Variants in RYK observed in about 807,000 individuals in gnomAD.
RYK encodes receptor like tyrosine kinase.
In RYK, 21 loss-of-function variants were observed where a neutral mutation model predicts 70.2. The ratio of observed to expected loss-of-function variants is 0.30; its 90% CI spans 0.21 to 0.43. The LOEUF is 0.43. RYK is among the 20% of genes least tolerant of loss of function. The probability of loss-of-function intolerance (pLI) is 1.00; values close to 1 mark genes in which losing one functional copy is unlikely to be tolerated. For synonymous variants in RYK, 267 were observed against 278.0 expected (o/e 0.96, Z 0.39); for missense variants, 604 against 753.3 (o/e 0.80, Z 2.32).
chr3:134,173,105 A>C (rs1348329313), intron 13 of RYK, among the ~76,000 whole-genome samples: 1 of 152,160 alleles, frequency 6.6e-6, no homozygotes, highest in Non-Finnish European at 1.5e-5. Context: ...AAGATATATA[A>C]AATGAAAGAC....
chr3:134,238,829 A>G (rs758194965), intron 1 of RYK, among the ~76,000 whole-genome samples: 2 of 152,226 alleles, frequency 1.3e-5, no homozygotes, highest in South Asian at 4.1e-4. Flanking sequence ...TATAAGATGG[A>G]AAATAGACTG....
intron 1 of RYK, among the ~76,000 whole-genome samples, chr3:134,247,628 G>A (rs376111053): frequency 7.9e-5 from 12 of 152,018 alleles, no homozygotes; most frequent in Admixed American, 2.0e-4. Context: ...CTTGAACCTT[G>A]GAGGCAGAGG....
intron 2 of RYK, 144 bp from the exon 3 acceptor site, chr3:134,211,751 C>T (rs1003476231): frequency 3.2e-6 from 2 of 619,244 alleles, no homozygotes; most frequent in African/African-American, 3.7e-5. Context: ...TGCAAATTGT[C>T]AGAAACAGTC....
At position 134,236,602 on chromosome 3, in the gene RYK, A is replaced by G. The variant is rs376558441; in HGVS notation, c.232+13821T>C. Among the ~76,000 whole-genome samples the G allele has an allele frequency of 3.3e-5, 5 of 152,224 alleles. No homozygotes were observed. The South Asian group carries it at 1.0e-3, about 32-fold the overall frequency. On this transcript the variant is annotated intron_variant, in intron 1 of 14. Transcript: ENST00000623711. ...CTCAAATTAATATGAAATTGTGAGC[A>G]GGCCAAAATAGCCAAAACAATTTTT... is the stretch of plus-strand genomic sequence containing the variant.
At chr3:134,217,371 C>T (rs1204591143) in intron 2 of RYK, among the ~76,000 whole-genome samples, 1 of 152,182 alleles carries the variant, frequency 6.6e-6, no homozygotes, top group Non-Finnish European at 1.5e-5. Context: ...CTCCCCTGCC[C>T]TCACGTGTGA....
chr3:134,168,681 A>C (rs1048649769), intron 13 of RYK, among the ~76,000 whole-genome samples: 1 of 152,040 alleles, frequency 6.6e-6, no homozygotes, highest in Non-Finnish European at 1.5e-5. Flanking sequence ...ATGATGAGTT[A>C]ATGGGTGCAG....
chr3:134,237,672 C>T (rs1461333877), intron 1 of RYK, among the ~76,000 whole-genome samples: 1 of 152,144 alleles, frequency 6.6e-6, no homozygotes, highest in African/African-American at 2.4e-5. Flanking sequence ...ATTACTTAAC[C>T]GCCCTCTCTA....
chr3:134,187,842 G>C (rs901879866), intron 9 of RYK, among the ~76,000 whole-genome samples: 3 of 150,840 alleles, frequency 2.0e-5, no homozygotes, highest in African/African-American at 4.9e-5. Context: ...TTACAATTGT[G>C]AGCCACTGCA....
chr3:134,235,578 C>T (rs190866385), intron 1 of RYK, among the ~76,000 whole-genome samples: 17 of 151,430 alleles, frequency 1.1e-4, no homozygotes, highest in African/African-American at 3.2e-4. Context: ...CCCCATCATA[C>T]GCTTGAAAAA....
chr3:134,163,200 C>T (rs533660306), intron 13 of RYK, among the ~76,000 whole-genome samples: 2 of 152,196 alleles, frequency 1.3e-5, no homozygotes, highest in East Asian at 3.9e-4. Context: ...GTTTCATTTC[C>T]TTAAAAACTA....
intron 2 of RYK, among the ~76,000 whole-genome samples, chr3:134,219,402 T>C (rs552861917): frequency 2.2e-4 from 33 of 152,294 alleles, no homozygotes; most frequent in African/African-American, 6.3e-4. Context: ...ACTTCCCACA[T>C]TGCCTTTGTA....
rs2015597874 is a variant in RYK, at chr3:134,250,708, C to T, written c.-54G>A. 1.1e-6 allele frequency: 1 copy of T among 884,496 alleles called. No individual in the cohort carries two copies. Among genetic ancestry groups the T allele is most frequent in the South Asian group, 5.0e-5 (1 of 20,156 alleles). 54.8% of individuals were successfully genotyped at this position (884,496 alleles called of 1,614,324 possible). A position where few individuals can be genotyped will look rare whatever the true frequency, so the allele number is the denominator to read the frequency against. ...CGTCGGCCGCCCGCCGCACCGCCGC[C>T]CACCCCCGGCCCCGAGCCGCTCACA... On this transcript the variant is annotated 5_prime_UTR_variant, in exon 1 of 15. Transcript: ENST00000623711.
At chr3:134,203,326 C>T (rs1220246987) in intron 5 of RYK, among the ~76,000 whole-genome samples, 4 of 152,018 alleles carry the variant, frequency 2.6e-5, no homozygotes, top group Non-Finnish European at 5.9e-5. Flanking sequence ...CCAGCGTGGG[C>T]GACAGACCAT....
At chr3:134,187,000 T>C (rs1055678584) in intron 9 of RYK, among the ~76,000 whole-genome samples, 1 of 152,228 alleles carries the variant, frequency 6.6e-6, no homozygotes, top group Non-Finnish European at 1.5e-5. Flanking sequence ...GAAAACCTAC[T>C]GGGACCTAAC....
rs1386076955 is a variant in RYK at position 134,183,077 on chromosome 3, T to C, written c.1103-6A>G. On this transcript the variant is annotated splice_region_variant and splice_polypyrimidine_tract_variant and intron_variant, in intron 9 of 14. Transcript: ENST00000623711. ...CTGAATTTCAGAAGCTTGATCTATATATAAAGAAAAGAAAATGTCTTGAAT... is the reference window on the plus strand; with the variant it reads ...CTGAATTTCAGAAGCTTGATCTATACATAAAGAAAAGAAAATGTCTTGAAT... 3.2e-6 allele frequency: 5 copies of C among 1,545,836 alleles called. No homozygotes were observed. The highest frequency in any genetic ancestry group is 1.9e-5 in the Admixed American group (1 of 53,608).
chr3:134,195,293 C>T (rs955736937), intron 6 of RYK, 111 bp from the exon 7 acceptor site: 32 of 703,666 alleles, frequency 4.5e-5, no homozygotes, highest in Non-Finnish European at 6.2e-5. Flanking sequence ...AAAATCCTTA[C>T]GGAGATCACA....
At chr3:134,211,352 C>T (rs903199572) in intron 3 of RYK, among the ~76,000 whole-genome samples, 156 bp downstream of exon 3, 4 of 152,208 alleles carry the variant, frequency 2.6e-5, no homozygotes, top group African/African-American at 9.6e-5. Context: ...TTTAAGAACA[C>T]AGTGCAAATA....
In RYK at chr3:134,209,740, T is replaced by C; in HGVS notation, c.544A>G (p.Asn182Asp). ...QLNLTVNSSK[N>D]FTVLNFKRRK... ...CGTTTAAAATTTAAGACGGTAAAAT[T>C]TTTTGAAGAATTTACTGTCAAGTTG... Residue 182 changes from asparagine (N) to aspartate (D), a missense_variant, in exon 4 of 15, where the codon AAT becomes GAT. Physicochemically the swap from Asn to Asp is conservative, Grantham distance 23. Around this residue, in one of 2 missense-constraint regions of RYK, gnomAD observed 466 missense variants for 535.9 expected, o/e 0.87. Transcript: ENST00000623711. 1 of 1,503,510 alleles carries C rather than the reference T, an allele frequency of 6.7e-7. No individual in the cohort carries two copies. Among genetic ancestry groups the C allele is most frequent in the East Asian group, 2.6e-5 (1 of 38,822 alleles). The allele number at this position is 1,503,510 out of a possible 1,614,324, so 93.1% of individuals were successfully genotyped here. A position where few individuals can be genotyped will look rare whatever the true frequency, so the allele number is the denominator to read the frequency against.
At position 134,244,662 on chromosome 3, in the gene RYK, G is replaced by A. The variant is rs114872272; in HGVS notation, c.232+5761C>T. Among the ~76,000 whole-genome samples, 461 of 152,230 alleles carry A rather than the reference G, an allele frequency of 3.0e-3. 1 individual carries two copies. Among genetic ancestry groups the A allele is most frequent in the African/African-American group, 0.01 (417 of 41,536 alleles). ...GAGTTTAAAAGCTTCTGAAGCTTTC[G>A]GTGTTTCAGAACTTATACACTTCCA... On this transcript the variant is annotated intron_variant, in intron 1 of 14. Coordinates refer to ENST00000623711, the MANE Select transcript of RYK (RefSeq NM_002958.4).
Sources: allele counts gnomAD v4.1 joint callset (sites outside exome capture counted in the v4.1 genomes callset), GRCh38; gene constraint gnomAD v4.1.1; regional missense constraint gnomAD v4.1.1; transcripts MANE v1.5; gene names NCBI Gene and HGNC (gene_info 2026-07-23, HGNC 2026-07-21).